B3GALNT2: variants seen among roughly 807,000 people sequenced by gnomAD.
The protein encoded by B3GALNT2 is UDP-GalNAc:beta-1,3-N-acetylgalactosaminyltransferase 2.
In B3GALNT2, 53 loss-of-function variants were observed where a neutral mutation model predicts 61.1. The ratio of observed to expected loss-of-function variants is 0.87; its 90% CI spans 0.70 to 1.09. The LOEUF (loss-of-function observed/expected upper bound fraction) is 1.09. Among genes scored for constraint, B3GALNT2 ranks in the 50% least tolerant of loss-of-function variants. The probability of loss-of-function intolerance (pLI) is 0.00; values close to 1 mark genes in which losing one functional copy is unlikely to be tolerated. For missense variants in B3GALNT2, 544 were observed against 623.0 expected (o/e 0.87, Z 1.35); for synonymous variants, 223 against 237.4 (o/e 0.94, Z 0.56).
chr1:235,462,194 A>G (rs1402246214), intron 7 of B3GALNT2, among the ~76,000 whole-genome samples: 1 of 152,226 alleles, frequency 6.6e-6, no homozygotes, highest in East Asian at 1.9e-4. Context: ...ATAAAATTGT[A>G]ACAGGAAAAT....
At chr1:235,499,981 TTA>T (rs1227277911) in intron 1 of B3GALNT2, among the ~76,000 whole-genome samples, 1 of 152,178 alleles carries the variant, frequency 6.6e-6, no homozygotes, top group African/African-American at 2.4e-5. Flanking sequence ...AAGAGGGATT[TTA>T]GTTTCTACAG....
At chr1:235,471,333 T>C (rs774498234) in intron 5 of B3GALNT2, among the ~76,000 whole-genome samples, 1 of 152,222 alleles carries the variant, frequency 6.6e-6, no homozygotes, top group Non-Finnish European at 1.5e-5. Context: ...ATTAGACATT[T>C]GGTTGCTACT....
At position 235,480,945 on chromosome 1, in the gene B3GALNT2, A is replaced by C. The variant is rs867304123; in HGVS notation, c.556-796T>G. On this transcript the variant is annotated intron_variant, in intron 4 of 11. Coordinates refer to ENST00000366600, the MANE Select transcript of B3GALNT2 (RefSeq NM_152490.5). ...AAAAAAAAAAAAAAAAAAAAAAAAA[A>C]CCGGACTGATTTTCACTATGTCTAT... Among the ~76,000 whole-genome samples the C allele has an allele frequency of 7.3e-3, 929 of 126,606 alleles. 20 individuals carry two copies. The highest frequency in any genetic ancestry group is 0.025 in the African/African-American group (836 of 33,646). 83.1% of individuals were successfully genotyped at this position (126,606 alleles called of 152,430 possible). A position where few individuals can be genotyped will look rare whatever the true frequency, so the allele number is the denominator to read the frequency against.
At chr1:235,442,396 C>T (rs900377296), downstream of B3GALNT2, among the ~76,000 whole-genome samples, 12 of 152,208 alleles carry the variant, frequency 7.9e-5, no homozygotes, top group Non-Finnish European at 7.3e-5. Flanking sequence ...TCTCAAACTC[C>T]TGACCTCAGG....
intron 4 of B3GALNT2, among the ~76,000 whole-genome samples, chr1:235,484,081 G>T (rs77916864): frequency 8.5e-5 from 13 of 152,108 alleles, no homozygotes; most frequent in Admixed American, 8.5e-4. Context: ...TTAGGTTGGA[G>T]ATTTCTAATC....
At chr1:235,504,017 G>T in intron 1 of B3GALNT2, 124 bp downstream of exon 1, 3 of 1,059,126 alleles carry the variant, frequency 2.8e-6, no homozygotes, top group Non-Finnish European at 3.6e-6. Context: ...CGTTTGTTTC[G>T]TCTGGGGACC....
intron 5 of B3GALNT2, among the ~76,000 whole-genome samples, chr1:235,476,359 G>T (rs1011830897): frequency 1.3e-5 from 2 of 151,414 alleles, no homozygotes; most frequent in African/African-American, 4.9e-5. Flanking sequence ...TGCAGTGAGC[G>T]GAGATCATGC....
Position 235,447,965 on chromosome 1 carries a change from C to T in B3GALNT2, c.*2241G>A, listed in dbSNP as rs1197717626. On this transcript the variant is annotated 3_prime_UTR_variant, in exon 12 of 12. Transcript: ENST00000366600. The stretch of plus-strand genomic sequence containing the variant: ...TGGGCTCATGCTTGTAATCCCAGCA[C>T]TTTGGGGGGCCAGGGCGGGCGGATC... Among the ~76,000 whole-genome samples, 1 of 152,026 alleles carries T rather than the reference C, an allele frequency of 6.6e-6. No individual in the cohort carries two copies. Among genetic ancestry groups the T allele is most frequent in the Non-Finnish European group, 1.5e-5 (1 of 68,002 alleles).
intron 3 of B3GALNT2, among the ~76,000 whole-genome samples, chr1:235,487,337 T>C (rs1301574080): frequency 6.6e-6 from 1 of 152,206 alleles, no homozygotes; most frequent in African/African-American, 2.4e-5. Flanking sequence ...AAAAAGCTGT[T>C]TGAAACCCAG....
intron 6 of B3GALNT2, among the ~76,000 whole-genome samples, chr1:235,467,002 G>A (rs1683725953): frequency 6.6e-6 from 1 of 152,084 alleles, no homozygotes; most frequent in African/African-American, 2.4e-5. Flanking sequence ...ATGTTTTAAG[G>A]CCAGTAGAAC....
intron 5 of B3GALNT2, chr1:235,479,058 GAAA>G (rs1241485982): frequency 6.6e-6 from 1 of 152,178 alleles, no homozygotes; most frequent in Admixed American, 6.5e-5. Context: ...AGATACAAAT[GAAA>G]AGGAGATCCC....
chr1:235,474,987 ATTTTTTTTTTTT>A (rs1160445883), intron 5 of B3GALNT2, among the ~76,000 whole-genome samples: 3 of 35,574 alleles, frequency 8.4e-5, no homozygotes, highest in African/African-American at 3.3e-4. Context: ...ATATATATAT[ATTTTTTTTTTTT>A]TTTTTTTTTT....
chr1:235,459,421 G>A (rs1053499646), intron 7 of B3GALNT2, among the ~76,000 whole-genome samples: 1 of 152,130 alleles, frequency 6.6e-6, no homozygotes, highest in African/African-American at 2.4e-5. Context: ...CCAGGAGTTT[G>A]AGATCACTCT....
At chr1:235,479,943 C>G in intron 5 of B3GALNT2, 111 bp downstream of exon 5, 5 of 1,489,066 alleles carry the variant, frequency 3.4e-6, no homozygotes, top group Non-Finnish European at 2.7e-6. Flanking sequence ...ATCTATCACT[C>G]TGGAGTGCTG....
At chr1:235,441,938 C>T in the B3GALNT2 span, 58 of 1,483,698 alleles carry the variant, frequency 3.9e-5, no homozygotes, top group Non-Finnish European at 5.2e-5. Flanking sequence ...GGTGCTGAAA[C>T]AGTTAGTGTG....
intron 1 of B3GALNT2, among the ~76,000 whole-genome samples, chr1:235,498,841 C>A (rs1685450857): frequency 3.0e-5 from 1 of 33,820 alleles, no homozygotes. Context: ...TAGACTCCTT[C>A]TCAAAAAAAA....
chr1:235,455,836 T>C, intron 8 of B3GALNT2, 152 bp from the exon 9 acceptor site: 1 of 993,552 alleles, frequency 1.0e-6, no homozygotes, highest in South Asian at 1.8e-5. Context: ...TAACAAAATT[T>C]TGCTGCTATC....
intron 5 of B3GALNT2, among the ~76,000 whole-genome samples, chr1:235,475,167 T>G (rs1028948972): frequency 6.6e-6 from 1 of 150,634 alleles, no homozygotes; most frequent in Non-Finnish European, 1.5e-5. Flanking sequence ...CTGGCTAATT[T>G]TTTGTATTTT....
chr1:235,504,375 C>T lies in B3GALNT2; in HGVS notation c.-123G>A. ...CACTCCGAGCACGCCCGCCCTCGCG[C>T]TCGGCGACGTCTGGGGGGCTCCTCG... is the stretch of plus-strand genomic sequence containing the variant. On this transcript the variant is annotated 5_prime_UTR_variant, in exon 1 of 12. Transcript: ENST00000366600. 1 of 1,152,302 alleles carries T rather than the reference C, an allele frequency of 8.7e-7. No individual in the cohort carries two copies. Among genetic ancestry groups the T allele is most frequent in the South Asian group, 1.7e-5 (1 of 58,764 alleles). 71.4% of individuals were successfully genotyped at this position (1,152,302 alleles called of 1,614,324 possible).
Sources: allele counts gnomAD v4.1 joint callset (sites outside exome capture counted in the v4.1 genomes callset), GRCh38; gene constraint gnomAD v4.1.1; transcripts MANE v1.5; gene names NCBI Gene and HGNC (gene_info 2026-07-23, HGNC 2026-07-21).